DCTN1: variants seen among roughly 807,000 people sequenced by gnomAD.
DCTN1 encodes the protein dynactin subunit 1, also known as 150 kDa dynein-associated polypeptide.
Under a neutral mutation model 161.2 loss-of-function variants are expected in DCTN1, and 61 were observed. The observed-to-expected ratio is 0.38, with a 90% CI of 0.31 to 0.47. The LOEUF is 0.47. Ranked by LOEUF, DCTN1 falls within the 20% of genes least tolerant of loss-of-function variation. DCTN1 has a pLI of 0.99. For synonymous variants in DCTN1, 653 were observed against 632.4 expected (o/e 1.03, Z -0.49); for missense variants, 1,404 against 1,623.7 (o/e 0.86, Z 2.33).
intron 1 of DCTN1, chr2:74,391,562 C>CT (rs1461464828): frequency 6.0e-6 from 2 of 332,118 alleles, no homozygotes; most frequent in African/African-American, 2.3e-5. Context: ...TGGAGGAACT[C>CT]TAAGGCGCAG....
chr2:74,364,383 G>T (rs1161449078), intron 26 of DCTN1: 1 of 159,070 alleles, frequency 6.3e-6, no homozygotes. Flanking sequence ...TAATTCCAGG[G>T]CAAAAAGCCT....
rs573012389 is a variant in DCTN1 at position 74,365,126 on chromosome 2, G to A, written c.3145C>T (p.Arg1049Trp). 26 of 1,614,160 alleles carry A rather than the reference G, an allele frequency of 1.6e-5. No individual in the cohort carries two copies. The highest frequency in any genetic ancestry group is 2.2e-5 in the East Asian group (1 of 44,892). The change falls in exon 26 of 32, where the codon CGG becomes TGG. Residue 1049 changes from arginine (R) to tryptophan (W), a missense_variant. Physicochemically the swap from Arg to Trp is moderately radical, Grantham distance 101. Around this residue, in one of 9 missense-constraint regions of DCTN1, gnomAD observed 311 missense variants for 298.9 expected, o/e 1.04. Transcript: ENST00000628224. Reference sequence around the variant, plus strand: ...GCAATGCCTGAAGGAGGAGGGCCCCGGAGTCCCTCAATCGTGCGTTTGGAC... The same window carrying A: ...GCAATGCCTGAAGGAGGAGGGCCCCAGAGTCCCTCAATCGTGCGTTTGGAC... ...SQSKRTIEGL[R>W]GPPPSGIATL...
intron 1 of DCTN1, among the ~76,000 whole-genome samples, chr2:74,389,535 C>T (rs1204776958): frequency 2.6e-5 from 4 of 152,168 alleles, no homozygotes; most frequent in African/African-American, 9.7e-5. Flanking sequence ...ATGATTCACC[C>T]AACTACTTTG....
chr2:74,371,317 G>A, intron 8 of DCTN1, 141 bp from the exon 9 acceptor site: 1 of 1,572,892 alleles, frequency 6.4e-7, no homozygotes, highest in Non-Finnish European at 8.7e-7. Context: ...AAGAACATCT[G>A]AGAGGAAACC....
chr2:74,373,039 C>G, intron 6 of DCTN1, 91 bp from the exon 7 acceptor site: 1 of 1,240,816 alleles, frequency 8.1e-7, no homozygotes, highest in South Asian at 1.2e-5. Flanking sequence ...GCAATGAGAG[C>G]AGAAGAAATA....
At chr2:74,378,952 A>G (rs1057226095) in intron 1 of DCTN1, 1 of 153,470 alleles carries the variant, frequency 6.5e-6, no homozygotes, top group Non-Finnish European at 1.4e-5. Context: ...AGCTCTGGAG[A>G]TTCTTCTCCA....
intron 29 of DCTN1, 40 bp downstream of exon 29, chr2:74,362,954 G>A (rs1674123249): frequency 6.2e-7 from 1 of 1,601,070 alleles, no homozygotes; most frequent in African/African-American, 1.3e-5. Context: ...CCAAGTGGAG[G>A]GGGCAGTTTT....
chr2:74,365,840 C>G (rs2735283), intron 24 of DCTN1, 53 bp downstream of exon 24: 4 of 1,614,096 alleles, frequency 2.5e-6, no homozygotes, highest in Non-Finnish European at 3.4e-6. Flanking sequence ...CACTGCTTTC[C>G]TGAGTCCTAC....
In DCTN1 at chr2:74,380,054, C is replaced by T. The variant is rs755502435; in HGVS notation, c.-17G>A. On this transcript the variant is annotated 5_prime_UTR_variant, in exon 1 of 32. Coordinates refer to ENST00000628224, the MANE Select transcript of DCTN1 (RefSeq NM_004082.5). Reference sequence around the variant, plus strand: ...CTGTGCCATGTTGCTCACCCGGCCTCTACCCCCTCCCCCAGCTGGCCAAAG... The same window carrying T: ...CTGTGCCATGTTGCTCACCCGGCCTTTACCCCCTCCCCCAGCTGGCCAAAG... 6.2e-7 allele frequency: 1 copy of T among 1,614,110 alleles called. No individual in the cohort carries two copies. The highest frequency in any genetic ancestry group is 1.7e-5 in the Admixed American group (1 of 60,030).
chr2:74,362,995 A>G lies in DCTN1; in HGVS notation c.3528T>C (p.Pro1176=). The change falls in exon 29 of 32, where the codon CCT becomes CCC. Residue 1176 remains proline, a splice_region_variant and synonymous_variant. Coordinates refer to ENST00000628224, the MANE Select transcript of DCTN1 (RefSeq NM_004082.5). The part of the protein sequence containing the change: ...THVVDITRTS[P]AAKSPSAQLM... The stretch of plus-strand genomic sequence containing the variant: ...TCTTGGGGGTTGGCAGGTACATACC[A>G]GGGCTGGTGCGAGTGATGTCTACTA... 1 of 1,612,302 alleles carries G rather than the reference A, an allele frequency of 6.2e-7. No homozygotes were observed. The highest frequency in any genetic ancestry group is 2.2e-5 in the East Asian group (1 of 44,852).
In DCTN1 at chr2:74,370,237, C is replaced by T. The variant is rs1292517810; in HGVS notation, c.1236G>A (p.Leu412=). ...TCTCTGCCTGGCTTAGCTCCTCCTG[C>T]AGACGCTCCCGCTGTTGCCTCACAA... The part of the protein sequence containing the change: ...LEVVRQQRER[L]QEELSQAEST... The change falls in exon 12 of 32, where the codon CTG becomes CTA. Residue 412 remains leucine (L), a synonymous_variant. Coordinates refer to ENST00000628224, the MANE Select transcript of DCTN1 (RefSeq NM_004082.5). This position sits in a 1 kb window ranked among gnomAD's most constrained non-coding sequence, Gnocchi z 4.4. 6.2e-7 allele frequency: 1 copy of T among 1,614,026 alleles called. No homozygotes were observed. Among genetic ancestry groups the T allele is most frequent in the Non-Finnish European group, 8.5e-7 (1 of 1,180,032 alleles).
intron 5 of DCTN1, among the ~76,000 whole-genome samples, chr2:74,375,156 C>A (rs1185606670): frequency 6.6e-6 from 1 of 152,200 alleles, no homozygotes; most frequent in African/African-American, 2.4e-5. Flanking sequence ...GACTACGAAA[C>A]CCTGCGGAAC....
At position 74,362,612 on chromosome 2, in the gene DCTN1, T is replaced by C. The variant is rs763783750; in HGVS notation, c.3609+38A>G. The C allele has an allele frequency of 2.4e-5, 39 of 1,604,238 alleles. No homozygotes were observed. The Admixed American group carries it at 6.2e-4, about 26-fold the overall frequency. On this transcript the variant is annotated intron_variant, in intron 30 of 31. Coordinates refer to ENST00000628224, the MANE Select transcript of DCTN1 (RefSeq NM_004082.5). ...ACAAGTGCCTGGCTCCACCAGTTTA[T>C]GCTGTGAAGTGAGCTCTGCCTGGCA...
intron 31 of DCTN1, 127 bp downstream of exon 31, chr2:74,361,925 G>T: frequency 9.5e-7 from 1 of 1,050,944 alleles, no homozygotes; most frequent in Non-Finnish European, 1.4e-6. Context: ...GTAAAATTTG[G>T]CCAGATAACC....
In DCTN1 at chr2:74,367,428, G is replaced by GAGATAAC. The variant is rs771447354; in HGVS notation, c.2185-15_2185-9dup. On this transcript the variant is annotated splice_polypyrimidine_tract_variant and intron_variant, in intron 18 of 31. Coordinates refer to ENST00000628224, the MANE Select transcript of DCTN1 (RefSeq NM_004082.5). ...GTGGATGCTGTACAGATGCTGAGGA[G>GAGATAAC]AGATAACAGACAGACAACTTTTAGG... The GAGATAAC allele has an allele frequency of 6.2e-6, 10 of 1,614,110 alleles. No homozygotes were observed. The highest frequency in any genetic ancestry group is 8.5e-6 in the Non-Finnish European group (10 of 1,180,020).
At chr2:74,387,018 A>G (rs1180698855) in intron 1 of DCTN1, 1 of 152,090 alleles carries the variant, frequency 6.6e-6, no homozygotes, top group Non-Finnish European at 1.5e-5. Flanking sequence ...CTGCTGAACT[A>G]CTCAAAGTGA....
Position 74,369,007 on chromosome 2 carries a change from C to T in DCTN1, c.1701+91G>A. The T allele has an allele frequency of 1.9e-6, 3 of 1,562,380 alleles. No homozygotes were observed. The highest frequency in any genetic ancestry group is 2.6e-6 in the Non-Finnish European group (3 of 1,135,254). ...GGCCAGAGTCTTCCAAACCACCACA[C>T]AAAGCACCCCTTCCCCCAGGAATCT... On this transcript the variant is annotated intron_variant, in intron 15 of 31. Coordinates refer to ENST00000628224, the MANE Select transcript of DCTN1 (RefSeq NM_004082.5). The surrounding 1 kb of genome is among the most constrained non-coding windows in gnomAD (Gnocchi z 4.9).
chr2:74,382,030 G>C (rs1675531792), upstream of DCTN1, among the ~76,000 whole-genome samples: 1 of 152,090 alleles, frequency 6.6e-6, no homozygotes. Context: ...GCCAAAACTG[G>C]AAACAACCTG....
At chr2:74,390,543 C>A in intron 1 of DCTN1, 1 of 404,258 alleles carries the variant, frequency 2.5e-6, no homozygotes, top group Non-Finnish European at 5.3e-6. Context: ...AATTTTAAAT[C>A]TGAAAGAAAT....
Sources: gnomAD v4.1 joint callset for allele counts (sites outside exome capture counted in the v4.1 genomes callset) on GRCh38, gnomAD v4.1.1 for gene constraint, gnomAD v4.1.1 regional missense constraint, Gnocchi (gnomAD v3.1) non-coding constraint, MANE v1.5 for transcripts, NCBI Gene and HGNC (gene_info 2026-07-23, HGNC 2026-07-21) for gene names.